The following BACH1 variants were observed in gnomAD, a reference collection of about 807,000 sequenced individuals.
BACH1 encodes BTB domain and CNC homolog 1.
BACH1 carries 35 observed loss-of-function variants against 52.9 expected under a neutral mutation model. The observed-to-expected ratio is 0.66, with a 90% CI of 0.51 to 0.88. The LOEUF is 0.88. Ranked by LOEUF, BACH1 falls within the 40% of genes least tolerant of loss-of-function variation. The pLI is 0.00. For missense variants in BACH1, 808 were observed against 872.6 expected (o/e 0.93, Z 0.93); for synonymous variants, 321 against 319.6 (o/e 1.00, Z -0.05).
At position 29,326,176 on chromosome 21, in the gene BACH1, A is replaced by G. The variant is rs1400788142; in HGVS notation, c.352A>G (p.Ile118Val). 8.7e-6 allele frequency: 14 copies of G among 1,614,108 alleles called. No homozygotes were observed. Among genetic ancestry groups the G allele is most frequent in the Non-Finnish European group, 1.1e-5 (13 of 1,180,042 alleles). The stretch of plus-strand genomic sequence containing the variant: ...TGTGGAGTTTTTAAGTGTACATAAT[A>G]TTGAGGAATCCTGCTTTCAGTTTCT... Reference protein sequence around the residue: ...KCVEFLSVHNIEESCFQFLKF... With the variant: ...KCVEFLSVHNVEESCFQFLKF... The change falls in exon 3 of 5, where the codon ATT becomes GTT. Residue 118 changes from isoleucine (I) to valine (V), a missense_variant. Ile to Val is a conservative substitution (Grantham distance 29). Coordinates refer to ENST00000286800, the MANE Select transcript of BACH1 (RefSeq NM_001186.4).
intron 1 of BACH1, among the ~76,000 whole-genome samples, chr21:29,316,270 T>C (rs2088785387): frequency 6.6e-6 from 1 of 152,134 alleles, no homozygotes. Context: ...AAAGCAAAAA[T>C]GTCAAGTAGT....
intron 2 of BACH1, chr21:29,361,211 G>A (rs1466670609): frequency 1.3e-5 from 2 of 152,206 alleles, no homozygotes; most frequent in Non-Finnish European, 2.9e-5. Context: ...TCTGGGCAAA[G>A]GCAAGCAGTA....
intron 1 of BACH1, among the ~76,000 whole-genome samples, chr21:29,320,394 A>G (rs977340547): frequency 2.6e-5 from 4 of 152,234 alleles, no homozygotes; most frequent in Non-Finnish European, 2.9e-5. Flanking sequence ...AAATATAGAT[A>G]AGCATACACG....
chr21:29,320,076 C>G (rs958652454), intron 1 of BACH1, among the ~76,000 whole-genome samples: 2 of 152,130 alleles, frequency 1.3e-5, no homozygotes, highest in African/African-American at 4.8e-5. Context: ...AACCTTGGGA[C>G]TGAACTTCAG....
At chr21:29,351,716 C>T (rs2089203434) in intron 2 of BACH1, 1 of 534,610 alleles carries the variant, frequency 1.9e-6, no homozygotes, top group Admixed American at 1.9e-5. Flanking sequence ...AGCTCTGTTT[C>T]AGCTAAACAG....
intron 3 of BACH1, among the ~76,000 whole-genome samples, chr21:29,328,930 G>A (rs1442229390): frequency 1.3e-5 from 2 of 152,086 alleles, no homozygotes; most frequent in Non-Finnish European, 2.9e-5. Flanking sequence ...TATACACCAC[G>A]TTTTCTTTAT....
chr21:29,314,710 C>T (rs1360261441), intron 1 of BACH1, among the ~76,000 whole-genome samples: 3 of 152,120 alleles, frequency 2.0e-5, no homozygotes, highest in Admixed American at 1.3e-4. Flanking sequence ...CTGTAAGCTC[C>T]TCTGCTACTT....
chr21:29,305,567 A>G (rs1044289177), intron 1 of BACH1, among the ~76,000 whole-genome samples: 14 of 152,190 alleles, frequency 9.2e-5, no homozygotes, highest in African/African-American at 2.4e-4. Context: ...CTAGAGAGCT[A>G]TCCTACCACT....
intron 4 of BACH1, among the ~76,000 whole-genome samples, chr21:29,332,736 C>G (rs1233640243): frequency 6.6e-6 from 1 of 152,224 alleles, no homozygotes; most frequent in African/African-American, 2.4e-5. Flanking sequence ...TCTCCAGGGA[C>G]TAATCCAGTC....
intron 1 of BACH1, among the ~76,000 whole-genome samples, chr21:29,315,113 A>T (rs546886649): frequency 6.6e-6 from 1 of 152,270 alleles, no homozygotes; most frequent in African/African-American, 2.4e-5. Context: ...TCCACCTTAA[A>T]TTTAAAATCA....
intron 2 of BACH1, among the ~76,000 whole-genome samples, chr21:29,325,192 T>C (rs1238688456): frequency 1.5e-4 from 23 of 152,020 alleles, no homozygotes; most frequent in Admixed American, 1.5e-3. Context: ...ATCGCGCCAC[T>C]GCACTCCAGC....
downstream of BACH1, among the ~76,000 whole-genome samples, chr21:29,349,815 A>T (rs554169862): frequency 6.8e-6 from 1 of 147,662 alleles, no homozygotes; most frequent in East Asian, 2.0e-4. Context: ...ATTTCAAAAC[A>T]GGTGGTGCAA....
downstream of BACH1, among the ~76,000 whole-genome samples, chr21:29,346,370 G>A (rs1041380678): frequency 2.0e-5 from 3 of 152,272 alleles, no homozygotes; most frequent in African/African-American, 7.2e-5. Flanking sequence ...GGATAGAGAA[G>A]TATAGGGACT....
chr21:29,324,231 CAAAAAA>C (rs35915821), intron 2 of BACH1, among the ~76,000 whole-genome samples: 4 of 63,164 alleles, frequency 6.3e-5, no homozygotes, highest in Non-Finnish European at 1.4e-4. Context: ...GACTCTGCCT[CAAAAAA>C]AAAAAAAAAA....
chr21:29,337,393 A>G (rs539972136), intron 4 of BACH1, among the ~76,000 whole-genome samples: 23 of 152,230 alleles, frequency 1.5e-4, no homozygotes, highest in Non-Finnish European at 2.9e-4. Context: ...GCTTCAGTAA[A>G]TGAAAGTAAA....
rs139083953 is a variant in BACH1, at chr21:29,327,118, C to T, written c.1294C>T (p.Arg432Trp). 67 of 1,614,212 alleles carry T rather than the reference C, an allele frequency of 4.2e-5. No individual in the cohort carries two copies. The East Asian group carries it at 5.8e-4, about 14-fold the overall frequency. ...TGGCTCAGAACAGATCTCACAGAAACGGTCTGAGTGTCCGTGGTTAGGTAT... is the reference window on the plus strand; with the variant it reads ...TGGCTCAGAACAGATCTCACAGAAATGGTCTGAGTGTCCGTGGTTAGGTAT... ...KDGSEQISQK[R>W]SECPWLGIRI... is the part of the protein sequence containing the mutation. Residue 432 changes from arginine to tryptophan, a missense_variant, in exon 3 of 5, where the codon CGG (arginine) becomes TGG (tryptophan). Arg to Trp is a moderately radical substitution (Grantham distance 101). Transcript: ENST00000286800.
chr21:29,299,377 A>G (rs939432746), intron 1 of BACH1: 12 of 150,348 alleles, frequency 8.0e-5, no homozygotes, highest in African/African-American at 3.0e-4. Flanking sequence ...GGGGCCCCGT[A>G]TTGTCCTCCG....
In BACH1 at chr21:29,356,050, G is replaced by T. The variant is rs150050891; in HGVS notation, c.472+26357G>T. ...GGATTGTAGAGTAAGGATAGATTTC[G>T]TTATTTCTTGCAAACTATCTGAGAA... On this transcript the variant is annotated intron_variant, in intron 2 of 4. Coordinates refer to the BACH1 transcript ENST00000422809. Among the ~76,000 whole-genome samples, 925 of 152,292 alleles carry T rather than the reference G, an allele frequency of 6.1e-3. 10 individuals are homozygous for T. The highest frequency in any genetic ancestry group is 0.021 in the African/African-American group (893 of 41,560).
At chr21:29,334,099 T>G (rs768275899) in intron 4 of BACH1, among the ~76,000 whole-genome samples, 73 of 150,956 alleles carry the variant, frequency 4.8e-4, no homozygotes, top group Admixed American at 1.5e-3. Context: ...TGTTATTTTT[T>G]TTATTTTTTT....
Sources: gnomAD v4.1 joint callset for allele counts (sites outside exome capture counted in the v4.1 genomes callset) on GRCh38, gnomAD v4.1.1 for gene constraint, MANE v1.5 for transcripts, NCBI Gene and HGNC (gene_info 2026-07-23, HGNC 2026-07-21) for gene names.